CSMD1: variants seen among roughly 807,000 people sequenced by gnomAD.
The protein encoded by CSMD1 is CUB and sushi domain-containing protein 1.
Under a neutral mutation model 417.5 loss-of-function variants are expected in CSMD1, and 213 were observed. The observed-to-expected ratio is 0.51, with a 90% CI of 0.46 to 0.57. The LOEUF (loss-of-function observed/expected upper bound fraction) is 0.57, where lower values mean the gene tolerates loss of function less well. Ranked by LOEUF, CSMD1 falls within the 20% of genes least tolerant of loss-of-function variation. The pLI, the probability that CSMD1 is intolerant of heterozygous loss-of-function variation, is 0.00. For missense variants in CSMD1, 6,923 were observed against 4,529.7 expected (o/e 1.53, Z -15.17); for synonymous variants, 2,862 against 1,736.8 (o/e 1.65, Z -16.11).
intron 5 of CSMD1, among the ~76,000 whole-genome samples, chr8:3,796,384 A>C (rs541268958): frequency 1.5e-5 from 1 of 64,740 alleles, no homozygotes; most frequent in African/African-American, 4.2e-5. Context: ...ATGTATATAT[A>C]TATCTATCAT....
At chr8:4,231,311 C>G (rs1036716851) in intron 3 of CSMD1, among the ~76,000 whole-genome samples, 2 of 152,214 alleles carry the variant, frequency 1.3e-5, no homozygotes, top group African/African-American at 2.4e-5. Context: ...GGCTCAGAGT[C>G]ATGGGTCCAA....
intron 1 of CSMD1, among the ~76,000 whole-genome samples, chr8:4,744,722 A>G (rs1037612887): frequency 6.6e-6 from 1 of 152,198 alleles, no homozygotes; most frequent in Non-Finnish European, 1.5e-5. Context: ...TCATGGTTTA[A>G]TGATAATTAT....
At chr8:3,082,748 A>G (rs1196062932) in intron 49 of CSMD1, among the ~76,000 whole-genome samples, 3 of 152,232 alleles carry the variant, frequency 2.0e-5, no homozygotes, top group African/African-American at 7.2e-5. Flanking sequence ...ACAAAAAGAA[A>G]CATGTCAAGA....
At chr8:4,907,282 C>T (rs1805347901) in intron 1 of CSMD1, among the ~76,000 whole-genome samples, 1 of 152,164 alleles carries the variant, frequency 6.6e-6, no homozygotes, top group African/African-American at 2.4e-5. Flanking sequence ...GATGTACCTT[C>T]TGCATTGATT....
intron 10 of CSMD1, among the ~76,000 whole-genome samples, chr8:3,572,352 C>G (rs552409326): frequency 2.0e-5 from 3 of 152,088 alleles, no homozygotes; most frequent in African/African-American, 7.2e-5. Flanking sequence ...CACTGTGAAG[C>G]GGGCTAAGAG....
chr8:4,064,758 T>A (rs915055782), intron 3 of CSMD1, among the ~76,000 whole-genome samples: 6 of 152,188 alleles, frequency 3.9e-5, no homozygotes, highest in African/African-American at 1.4e-4. Flanking sequence ...AGTACTGCTG[T>A]GGAAACAATC....
chr8:4,153,696 T>C (rs1262178759), intron 3 of CSMD1, among the ~76,000 whole-genome samples: 1 of 152,206 alleles, frequency 6.6e-6, no homozygotes, highest in Non-Finnish European at 1.5e-5. Context: ...CTTCCATCAA[T>C]CCGGCAGTCC....
chr8:3,732,470 C>CA (rs757211551), intron 6 of CSMD1, among the ~76,000 whole-genome samples: 2 of 151,956 alleles, frequency 1.3e-5, no homozygotes, highest in East Asian at 1.9e-4. Flanking sequence ...AATTTAACTA[C>CA]AAAAAACAAA....
At chr8:4,058,994 T>G (rs1208590749) in intron 3 of CSMD1, among the ~76,000 whole-genome samples, 3 of 152,006 alleles carry the variant, frequency 2.0e-5, no homozygotes, top group Non-Finnish European at 4.4e-5. Context: ...CACAAATTCT[T>G]TTCAGAACCA....
chr8:4,110,105 T>A (rs1263435864), intron 3 of CSMD1, among the ~76,000 whole-genome samples: 1 of 152,126 alleles, frequency 6.6e-6, no homozygotes, highest in Non-Finnish European at 1.5e-5. Context: ...AGCATGGAAA[T>A]AACGGTGGAG....
At chr8:4,367,983 T>C (rs1488858784) in intron 3 of CSMD1, among the ~76,000 whole-genome samples, 2 of 152,096 alleles carry the variant, frequency 1.3e-5, no homozygotes, top group Non-Finnish European at 1.5e-5. Context: ...GGTATAGAGT[T>C]ACATTGTCAG....
At chr8:4,167,826 C>T (rs1176006791) in intron 3 of CSMD1, among the ~76,000 whole-genome samples, 1 of 152,034 alleles carries the variant, frequency 6.6e-6, no homozygotes, top group East Asian at 1.9e-4. Flanking sequence ...TCCATCTCTA[C>T]CAAGAATTAT....
At chr8:3,232,220 T>C (rs936997287) in intron 26 of CSMD1, among the ~76,000 whole-genome samples, 2 of 152,216 alleles carry the variant, frequency 1.3e-5, no homozygotes. Context: ...ACTATAAATG[T>C]ATGCATTCCA....
At chr8:4,523,641 C>T (rs534324438) in intron 2 of CSMD1, among the ~76,000 whole-genome samples, 4 of 152,132 alleles carry the variant, frequency 2.6e-5, no homozygotes, top group Admixed American at 6.6e-5. Flanking sequence ...GGTTCCAGTC[C>T]GGGGCCTGAA....
intron 61 of CSMD1, among the ~76,000 whole-genome samples, chr8:2,961,477 G>A (rs979775260): frequency 1.3e-5 from 2 of 150,310 alleles, no homozygotes; most frequent in African/African-American, 2.5e-5. Context: ...TCCATTCTCT[G>A]GCTTTTTTTT....
chr8:4,537,632 C>G (rs570179939), intron 2 of CSMD1, among the ~76,000 whole-genome samples: 2 of 152,280 alleles, frequency 1.3e-5, no homozygotes, highest in East Asian at 1.9e-4. Context: ...ATTCTATAAA[C>G]ATTTCAAATT....
At chr8:3,991,897 C>T (rs1317509121) in intron 5 of CSMD1, among the ~76,000 whole-genome samples, 1 of 152,078 alleles carries the variant, frequency 6.6e-6, no homozygotes, top group Non-Finnish European at 1.5e-5. Flanking sequence ...ATAGTAGTAT[C>T]TCCAAGTAGC....
chr8:3,812,277 T>C (rs1203869462), intron 5 of CSMD1, among the ~76,000 whole-genome samples: 1 of 152,178 alleles, frequency 6.6e-6, no homozygotes, highest in African/African-American at 2.4e-5. Flanking sequence ...TGCATTGTTT[T>C]TGGTGGGGAC....
At chr8:4,356,489 G>C (rs1157426971) in intron 3 of CSMD1, among the ~76,000 whole-genome samples, 2 of 152,134 alleles carry the variant, frequency 1.3e-5, no homozygotes, top group Non-Finnish European at 2.9e-5. Context: ...GTAGATACCT[G>C]GGAGTGGGAT....
Sources: gnomAD v4.1 joint callset for allele counts (sites outside exome capture counted in the v4.1 genomes callset) on GRCh38, gnomAD v4.1.1 for gene constraint, MANE v1.5 for transcripts, NCBI Gene and HGNC (gene_info 2026-07-23, HGNC 2026-07-21) for gene names.